RBFOX1: variants seen among roughly 807,000 people sequenced by gnomAD.
RBFOX1 encodes the protein RNA binding fox-1 homolog 1.
Under a neutral mutation model 57.7 loss-of-function variants are expected in RBFOX1, and 8 were observed. The ratio of observed to expected loss-of-function variants is 0.14; its 90% confidence interval spans 0.08 to 0.25. The LOEUF (loss-of-function observed/expected upper bound fraction) is 0.25, where lower values mean the gene tolerates loss of function less well. Ranked by LOEUF, RBFOX1 falls within the 10% of genes least tolerant of loss-of-function variation. The probability of loss-of-function intolerance (pLI) is 1.00; values close to 1 mark genes in which losing one functional copy is unlikely to be tolerated. For synonymous variants in RBFOX1, 326 were observed against 222.4 expected (o/e 1.47, Z -4.15); for missense variants, 611 against 548.5 (o/e 1.11, Z -1.14).
At chr16:7,610,380 TA>T (rs1431180853) in intron 10 of RBFOX1, among the ~76,000 whole-genome samples, 6 of 151,454 alleles carry the variant, frequency 4.0e-5, no homozygotes, top group African/African-American at 4.9e-5. Flanking sequence ...CCTGTTTATT[TA>T]TTTTTTTTTT....
chr16:7,567,845 C>T (rs955949405), intron 5 of RBFOX1, among the ~76,000 whole-genome samples: 1 of 144,650 alleles, frequency 6.9e-6, no homozygotes, highest in African/African-American at 2.6e-5. Context: ...ATATATATAC[C>T]TATATATATC....
At chr16:6,475,423 T>C (rs1250139068) in intron 2 of RBFOX1, among the ~76,000 whole-genome samples, 1 of 152,220 alleles carries the variant, frequency 6.6e-6, no homozygotes, top group Non-Finnish European at 1.5e-5. Context: ...ATGAGGGTCA[T>C]TCACCTGGTC....
intron 2 of RBFOX1, among the ~76,000 whole-genome samples, chr16:6,438,235 G>A (rs79457575): frequency 0.036 from 5,511 of 152,256 alleles, 358 homozygotes; most frequent in African/African-American, 0.13. Flanking sequence ...AATGCCTGAC[G>A]CTGTGCTCTG....
chr16:7,707,473 TACAG>T (rs1358905020), intron 14 of RBFOX1, among the ~76,000 whole-genome samples: 3 of 152,092 alleles, frequency 2.0e-5, no homozygotes, highest in Non-Finnish European at 2.9e-5. Flanking sequence ...AGGTTGATAA[TACAG>T]ACAAACCATT....
intron 3 of RBFOX1, among the ~76,000 whole-genome samples, chr16:6,664,699 G>C (rs891708042): frequency 9.2e-5 from 14 of 152,234 alleles, no homozygotes; most frequent in Non-Finnish European, 1.5e-5. Context: ...AGAACCCACA[G>C]ATAGGCAGGG....
At chr16:5,640,757 A>G (rs954226114) in intron 3 of RBFOX1, among the ~76,000 whole-genome samples, 1 of 150,436 alleles carries the variant, frequency 6.6e-6, no homozygotes, top group Non-Finnish European at 1.5e-5. Flanking sequence ...CATGTACACC[A>G]TGGATACACA....
At chr16:6,939,333 C>G (rs1208499381) in intron 3 of RBFOX1, among the ~76,000 whole-genome samples, 5 of 151,774 alleles carry the variant, frequency 3.3e-5, no homozygotes, top group Admixed American at 1.3e-4. Flanking sequence ...CCTAGAGTCA[C>G]AAATAATATA....
intron 4 of RBFOX1, among the ~76,000 whole-genome samples, chr16:7,376,964 C>G (rs528365219): frequency 1.3e-5 from 2 of 152,050 alleles, no homozygotes; most frequent in East Asian, 1.9e-4. Flanking sequence ...ACATAGTATC[C>G]TTGTATGTCC....
At chr16:6,754,529 C>T (rs1251744789) in intron 3 of RBFOX1, among the ~76,000 whole-genome samples, 1 of 152,124 alleles carries the variant, frequency 6.6e-6, no homozygotes, top group Non-Finnish European at 1.5e-5. Context: ...CCCACTGCTC[C>T]CTCCTCTGCA....
chr16:5,796,748 A>G (rs1015869616), intron 3 of RBFOX1, among the ~76,000 whole-genome samples: 1 of 152,224 alleles, frequency 6.6e-6, no homozygotes, highest in African/African-American at 2.4e-5. Context: ...TCCAGCTAGA[A>G]GGAGACAATG....
chr16:6,010,332 A>C (rs572377608), intron 4 of RBFOX1, among the ~76,000 whole-genome samples: 1 of 152,328 alleles, frequency 6.6e-6, no homozygotes, highest in African/African-American at 2.4e-5. Flanking sequence ...TGTACATTCC[A>C]GCTCCCTTGC....
At chr16:5,989,206 C>T (rs1314406121) in intron 4 of RBFOX1, among the ~76,000 whole-genome samples, 2 of 151,236 alleles carry the variant, frequency 1.3e-5, no homozygotes, top group East Asian at 3.9e-4. Flanking sequence ...TGGCAGGAGC[C>T]TGTAGTCCCA....
At chr16:6,517,300 G>A (rs372914029) in intron 2 of RBFOX1, among the ~76,000 whole-genome samples, 1 of 152,158 alleles carries the variant, frequency 6.6e-6, no homozygotes. Flanking sequence ...AGACATAACT[G>A]TTCTCCCTTC....
intron 4 of RBFOX1, among the ~76,000 whole-genome samples, chr16:7,109,936 T>A (rs1041427124): frequency 2.0e-5 from 3 of 152,038 alleles, no homozygotes; most frequent in African/African-American, 7.2e-5. Context: ...CAGACAAATA[T>A]ACAATTAAAA....
chr16:6,492,755 AC>A (rs1407410794), intron 2 of RBFOX1, among the ~76,000 whole-genome samples: 1 of 152,144 alleles, frequency 6.6e-6, no homozygotes, highest in Non-Finnish European at 1.5e-5. Context: ...GAGGTCAAGG[AC>A]CCTTGTAGGA....
intron 2 of RBFOX1, among the ~76,000 whole-genome samples, chr16:5,559,220 T>G (rs1034769486): frequency 2.7e-5 from 4 of 150,430 alleles, no homozygotes; most frequent in Non-Finnish European, 4.4e-5. Flanking sequence ...GGAAGAGTAC[T>G]TTGCCACCCA....
chr16:7,262,737 C>T (rs1322684058), intron 4 of RBFOX1, among the ~76,000 whole-genome samples: 1 of 152,258 alleles, frequency 6.6e-6, no homozygotes, highest in East Asian at 1.9e-4. Flanking sequence ...GGGCATCATG[C>T]CCGGCATGCA....
chr16:7,085,330 C>T (rs1052901554), intron 4 of RBFOX1, among the ~76,000 whole-genome samples: 5 of 152,212 alleles, frequency 3.3e-5, no homozygotes, highest in African/African-American at 1.2e-4. Flanking sequence ...AAAATGTAGA[C>T]CTTACCTTGC....
rs537309120 is a variant in RBFOX1, at chr16:5,310,775, T to C, written c.219+70670T>C. ...CTTTCCTTTATTTTGGAAAAAATAC[T>C]GGGGTTTGCATTATTTTTCAGAAGG... On this transcript the variant is annotated intron_variant, in intron 1 of 2. Coordinates refer to the RBFOX1 transcript ENST00000585867. 2.6e-5 allele frequency among the ~76,000 whole-genome samples: 4 copies of C among 152,342 alleles called. No individual in the cohort carries two copies. In the East Asian group the frequency reaches 7.7e-4, roughly 29 times the overall value.
Sources: gnomAD v4.1 joint callset for allele counts (sites outside exome capture counted in the v4.1 genomes callset) on GRCh38, gnomAD v4.1.1 for gene constraint, MANE v1.5 for transcripts, NCBI Gene and HGNC (gene_info 2026-07-23, HGNC 2026-07-21) for gene names.